The following CLDN16 variants were observed in gnomAD, a reference collection of about 807,000 sequenced individuals.
CLDN16 encodes claudin 16.
Under a neutral mutation model 24.6 loss-of-function variants are expected in CLDN16, and 13 were observed. That is an observed-to-expected ratio of 0.53 (90% CI 0.34 to 0.84). The LOEUF (loss-of-function observed/expected upper bound fraction) is 0.84. Among genes scored for constraint, CLDN16 ranks in the 40% least tolerant of loss-of-function variants. The probability of loss-of-function intolerance (pLI) is 0.01; values close to 1 mark genes in which losing one functional copy is unlikely to be tolerated. For synonymous variants in CLDN16, 116 were observed against 106.7 expected (o/e 1.09, Z -0.54); for missense variants, 298 against 292.7 (o/e 1.02, Z -0.13).
chr3:190,296,297 C>T, the CLDN16 span, among the ~76,000 whole-genome samples: 13 of 152,092 alleles, frequency 8.5e-5, no homozygotes, highest in East Asian at 2.5e-3. Flanking sequence ...TGTCATGTTA[C>T]AAAGAAAAAT....
intron 1 of CLDN16, among the ~76,000 whole-genome samples, chr3:190,359,313 G>A (rs1717839590): frequency 6.6e-6 from 1 of 151,986 alleles, no homozygotes; most frequent in Admixed American, 6.6e-5. Flanking sequence ...CTTGCATGAA[G>A]GACTTCCAAA....
intron 1 of CLDN16, among the ~76,000 whole-genome samples, chr3:190,350,167 A>G (rs1233477312): frequency 6.8e-6 from 1 of 147,852 alleles, no homozygotes; most frequent in Admixed American, 6.6e-5. Context: ...CTAAGAATCC[A>G]GTAGAATCCA....
chr3:190,356,585 C>G (rs1209768637), intron 1 of CLDN16, among the ~76,000 whole-genome samples: 1 of 151,780 alleles, frequency 6.6e-6, no homozygotes, highest in Admixed American at 6.6e-5. Context: ...CAATGTTATT[C>G]ATACTAAAAC....
intron 1 of CLDN16, among the ~76,000 whole-genome samples, chr3:190,362,355 C>T (rs767385936): frequency 1.1e-4 from 17 of 151,894 alleles, no homozygotes; most frequent in Admixed American, 2.0e-4. Context: ...ATCAGTTCTG[C>T]GATCCCACCC....
At chr3:190,290,997 G>T in the CLDN16 span, among the ~76,000 whole-genome samples, 3 of 152,118 alleles carry the variant, frequency 2.0e-5, no homozygotes, top group African/African-American at 7.2e-5. Flanking sequence ...ATGAGGGGCT[G>T]GGTTATGTAC....
At chr3:190,343,149 A>C (rs188365415) in intron 1 of CLDN16, among the ~76,000 whole-genome samples, 1 of 152,198 alleles carries the variant, frequency 6.6e-6, no homozygotes, top group Non-Finnish European at 1.5e-5. Flanking sequence ...CTGGGTAAGG[A>C]CTGAAATACG....
chr3:190,377,649 T>G (rs113516872), intron 3 of CLDN16, among the ~76,000 whole-genome samples: 5,619 of 152,164 alleles, frequency 0.037, 146 homozygotes, highest in South Asian at 0.064. Flanking sequence ...TGTTTTCTGA[T>G]TAGTGATCTT....
the CLDN16 span, among the ~76,000 whole-genome samples, chr3:190,302,633 T>A: frequency 6.6e-6 from 1 of 151,904 alleles, no homozygotes; most frequent in Non-Finnish European, 1.5e-5. Flanking sequence ...TAGCTGGGCG[T>A]GGTGGCATGT....
chr3:190,323,462 T>A (rs530390322), intron 1 of CLDN16, among the ~76,000 whole-genome samples: 18 of 152,192 alleles, frequency 1.2e-4, no homozygotes, highest in Admixed American at 1.2e-3. Context: ...TTTCCCTCTA[T>A]GTTTCTCCAA....
intron 1 of CLDN16, among the ~76,000 whole-genome samples, chr3:190,343,032 A>G (rs75245040): frequency 0.039 from 5,948 of 152,252 alleles, 386 homozygotes; most frequent in African/African-American, 0.13. Flanking sequence ...CAACCTACGG[A>G]TTGGAAAAAA....
chr3:190,310,130 T>C, the CLDN16 span: 23 of 1,551,254 alleles, frequency 1.5e-5, no homozygotes, highest in Admixed American at 5.0e-5. Context: ...AAGGGCATTT[T>C]CTCAGAAAAC....
In CLDN16 at chr3:190,329,844, G is replaced by A. The variant is rs560868873; in HGVS notation, n.121+7183G>A. 9.2e-5 allele frequency among the ~76,000 whole-genome samples: 14 copies of A among 152,220 alleles called. No homozygotes were observed. The South Asian group carries it at 2.9e-3, about 32-fold the overall frequency. The stretch of plus-strand genomic sequence containing the variant: ...AGGAATCTTAGAGAGGTATAGCAGT[G>A]TATTCCAGTTAGAAGGATGTTAGTA... On this transcript the variant is annotated intron_variant and non_coding_transcript_variant, in intron 1 of 4. Coordinates refer to the CLDN16 transcript ENST00000468220.
the CLDN16 span, chr3:190,313,082 C>T: frequency 6.2e-7 from 1 of 1,610,464 alleles, no homozygotes. Flanking sequence ...CTTGGACCAA[C>T]AAGAGAAAAA....
chr3:190,391,081 C>T (rs112883298), intron 1 of CLDN16, among the ~76,000 whole-genome samples: 270 of 152,206 alleles, frequency 1.8e-3, no homozygotes, highest in African/African-American at 6.1e-3. Flanking sequence ...ACCACCACAG[C>T]AGCTCACTTT....
chr3:190,400,790 G>A (rs770582664), intron 1 of CLDN16, among the ~76,000 whole-genome samples: 19 of 152,100 alleles, frequency 1.2e-4, no homozygotes, highest in Admixed American at 1.2e-3. Flanking sequence ...ATGGAGGTGC[G>A]CACATACTGA....
chr3:190,365,040 G>A (rs73192440), intron 1 of CLDN16, among the ~76,000 whole-genome samples: 26,922 of 151,608 alleles, frequency 0.18, 2,853 homozygotes, highest in East Asian at 0.49. Flanking sequence ...TCAGCCCCCT[G>A]TTTATCCATC....
At chr3:190,338,057 G>A (rs1190659912) in intron 1 of CLDN16, among the ~76,000 whole-genome samples, 14 of 152,144 alleles carry the variant, frequency 9.2e-5, no homozygotes, top group Admixed American at 9.2e-4. Flanking sequence ...GCCATTACAT[G>A]GTGCCAGGGT....
At chr3:190,362,585 CCCGTG>C in intron 1 of CLDN16, among the ~76,000 whole-genome samples, 1 of 152,100 alleles carries the variant, frequency 6.6e-6, no homozygotes, top group East Asian at 1.9e-4. Flanking sequence ...CATTGCAATT[CCCGTG>C]TCTTGATAAA....
At chr3:190,408,042 C>T (rs922167360) in intron 3 of CLDN16, among the ~76,000 whole-genome samples, 4 of 152,146 alleles carry the variant, frequency 2.6e-5, no homozygotes, top group South Asian at 2.1e-4. Flanking sequence ...AAAACCATAA[C>T]GATGAATTTC....
Sources: gnomAD v4.1 joint callset for allele counts (sites outside exome capture counted in the v4.1 genomes callset) on GRCh38, gnomAD v4.1.1 for gene constraint, MANE v1.5 for transcripts, NCBI Gene and HGNC (gene_info 2026-07-23, HGNC 2026-07-21) for gene names.